Variants in F13A1 observed in about 807,000 individuals in gnomAD.
F13A1 encodes FSF, A subunit.
Under a neutral mutation model 80.1 loss-of-function variants are expected in F13A1, and 47 were observed. The ratio of observed to expected loss-of-function variants is 0.59; its 90% CI spans 0.46 to 0.75. The LOEUF is 0.75. Among genes scored for constraint, F13A1 ranks in the 30% least tolerant of loss-of-function variants. The pLI, the probability that F13A1 is intolerant of heterozygous loss-of-function variation, is 0.00. For missense variants in F13A1, 817 were observed against 930.4 expected (o/e 0.88, Z 1.59); for synonymous variants, 349 against 344.9 (o/e 1.01, Z -0.13).
chr6:6,274,328 T>TAGTGTA (rs1289275314), intron 3 of F13A1, among the ~76,000 whole-genome samples: 2 of 152,226 alleles, frequency 1.3e-5, no homozygotes, highest in African/African-American at 4.8e-5. Context: ...AAGCCTCTTT[T>TAGTGTA]GGAGTAAATG....
intron 6 of F13A1, among the ~76,000 whole-genome samples, chr6:6,231,757 A>AT (rs1389955169): frequency 6.6e-6 from 1 of 152,242 alleles, no homozygotes; most frequent in Non-Finnish European, 1.5e-5. Flanking sequence ...TCTAGAAGGG[A>AT]TTGGAACCCT....
chr6:6,298,038 T>C (rs1758358262), intron 3 of F13A1, among the ~76,000 whole-genome samples: 2 of 151,242 alleles, frequency 1.3e-5, no homozygotes, highest in African/African-American at 4.9e-5. Flanking sequence ...GTTGTTCAGT[T>C]TCCATGTAGT....
rs940774158 is a variant in F13A1, at chr6:6,300,831, T to TA, written c.319+4519dup. Among the ~76,000 whole-genome samples the TA allele has an allele frequency of 1.2e-4, 18 of 151,756 alleles. No homozygotes were observed. In the East Asian group the frequency reaches 2.9e-3, roughly 24 times the overall value. ...ATTTATTCTCGTCTGTTTTTTTTTT[T>TA]AATTTATGTTACATTTTGGTTCACT... On this transcript the variant is annotated intron_variant, in intron 3 of 14. Coordinates refer to ENST00000264870, the MANE Select transcript of F13A1 (RefSeq NM_000129.4).
chr6:6,178,313 A>G (rs904307094), intron 11 of F13A1, among the ~76,000 whole-genome samples: 5 of 152,168 alleles, frequency 3.3e-5, no homozygotes, highest in African/African-American at 9.7e-5. Context: ...CTATATTAAG[A>G]GTTGTACACA....
intron 10 of F13A1, among the ~76,000 whole-genome samples, chr6:6,190,872 C>T (rs7739352): frequency 2.0e-4 from 30 of 148,480 alleles, no homozygotes; most frequent in Admixed American, 4.0e-4. Flanking sequence ...TAGCAATCAG[C>T]GAGACTCCGT....
At position 6,177,026 on chromosome 6, in the gene F13A1, C is replaced by T. The variant is rs192859433; in HGVS notation, c.1460-2159G>A. 1.5e-4 allele frequency among the ~76,000 whole-genome samples: 23 copies of T among 152,290 alleles called. No individual in the cohort carries two copies. The South Asian group carries it at 3.9e-3, about 26-fold the overall frequency. ...GCCCAGAGAGGAGAAAACAACTGCA[C>T]GGCTTTCCCAGAGCCTGGCAGAGTA... On this transcript the variant is annotated intron_variant, in intron 11 of 14. Coordinates refer to ENST00000264870, the MANE Select transcript of F13A1 (RefSeq NM_000129.4).
At chr6:6,201,350 G>A (rs1167819370) in intron 8 of F13A1, among the ~76,000 whole-genome samples, 2 of 152,158 alleles carry the variant, frequency 1.3e-5, no homozygotes, top group Admixed American at 6.5e-5. Context: ...GTGTATTTAG[G>A]GTGGGAGTTT....
At chr6:6,318,782 G>C in intron 1 of F13A1, 100 bp from the exon 2 acceptor site, 3 of 1,266,390 alleles carry the variant, frequency 2.4e-6, no homozygotes, top group Non-Finnish European at 3.3e-6. Context: ...ATATCTGTGT[G>C]TGATAGCACT....
intron 8 of F13A1, among the ~76,000 whole-genome samples, chr6:6,216,732 G>C (rs1228622449): frequency 1.4e-5 from 2 of 142,822 alleles, no homozygotes; most frequent in African/African-American, 5.5e-5. Flanking sequence ...CCATCAGAGT[G>C]AACAGGCAAC....
intron 10 of F13A1, among the ~76,000 whole-genome samples, chr6:6,187,743 G>T (rs975311942): frequency 9.9e-6 from 1 of 101,508 alleles, no homozygotes; most frequent in Non-Finnish European, 2.1e-5. Context: ...CTCATAAAAT[G>T]AGTTAGGGAG....
Position 6,305,507 on chromosome 6 carries a change from T to C in F13A1, c.163A>G (p.Lys55Glu). ...ACCTTGTTAGTGTCCCATCTCTCCT[T>C]GAACAGGTGAACGCTCGTGACATTA... ...FLNVTSVHLF[K>E]ERWDTNKVDH... The change falls in exon 3 of 15, where the codon AAG becomes GAG. Residue 55 changes from lysine to glutamate, a missense_variant. Coordinates refer to ENST00000264870, the MANE Select transcript of F13A1 (RefSeq NM_000129.4). The C allele has an allele frequency of 6.2e-7, 1 of 1,614,208 alleles. No individual in the cohort carries two copies. The highest frequency in any genetic ancestry group is 2.2e-5 in the East Asian group (1 of 44,882).
At chr6:6,169,975 G>C (rs958402760) in intron 12 of F13A1, among the ~76,000 whole-genome samples, 1 of 152,132 alleles carries the variant, frequency 6.6e-6, no homozygotes, top group African/African-American at 2.4e-5. Context: ...GGAATGACCC[G>C]CTCTCGTATT....
intron 6 of F13A1, among the ~76,000 whole-genome samples, chr6:6,231,223 A>C (rs1757348079): frequency 1.3e-5 from 2 of 152,218 alleles, no homozygotes; most frequent in African/African-American, 4.8e-5. Flanking sequence ...AGATAGCTTA[A>C]AGAAAAAACA....
At chr6:6,282,281 C>T (rs776941134) in intron 3 of F13A1, among the ~76,000 whole-genome samples, 2 of 152,116 alleles carry the variant, frequency 1.3e-5, no homozygotes, top group Non-Finnish European at 2.9e-5. Flanking sequence ...GGGCCTGAAA[C>T]ATCTTACTGT....
chr6:6,231,808 T>C (rs775950632), intron 6 of F13A1, among the ~76,000 whole-genome samples: 7 of 152,212 alleles, frequency 4.6e-5, no homozygotes, highest in Non-Finnish European at 8.8e-5. Flanking sequence ...CAGCCAAGAA[T>C]TTTGTATCCA....
intron 3 of F13A1, among the ~76,000 whole-genome samples, chr6:6,295,596 G>GT (rs1758312309): frequency 7.1e-6 from 1 of 140,446 alleles, no homozygotes; most frequent in African/African-American, 2.9e-5. Flanking sequence ...GGGGTTGTTT[G>GT]TTTTTTTCTT....
chr6:6,184,794 G>A (rs2151078074), intron 10 of F13A1, among the ~76,000 whole-genome samples: 1 of 152,304 alleles, frequency 6.6e-6, no homozygotes, highest in East Asian at 1.9e-4. Flanking sequence ...GAAATCTCAG[G>A]ACAGACCAAC....
In F13A1 at chr6:6,318,436, AC is replaced by A. The variant is rs995414878; in HGVS notation, c.130+98del. The A allele has an allele frequency of 1.0e-4, 141 of 1,403,332 alleles. No homozygotes were observed. In the African/African-American group the frequency reaches 2.0e-3, roughly 20 times the overall value. The allele number at this position is 1,403,332 out of a possible 1,614,324, so 86.9% of individuals were successfully genotyped here. A position where few individuals can be genotyped will look rare whatever the true frequency, so the allele number is the denominator to read the frequency against. On this transcript the variant is annotated intron_variant, in intron 2 of 14. Coordinates refer to ENST00000264870, the MANE Select transcript of F13A1 (RefSeq NM_000129.4). ...TGGCAGGGGGCTTCCTTTTGTGGGA[AC>A]CCCAGTGGAGACAGAGGATGTTTAC... is the stretch of plus-strand genomic sequence containing the variant.
chr6:6,157,249 G>T (rs1409725730), intron 13 of F13A1, among the ~76,000 whole-genome samples: 1 of 152,118 alleles, frequency 6.6e-6, no homozygotes, highest in Non-Finnish European at 1.5e-5. Flanking sequence ...GGTCTTGGGG[G>T]TAGACATGAT....
Sources: gnomAD v4.1 joint callset for allele counts (sites outside exome capture counted in the v4.1 genomes callset) on GRCh38, gnomAD v4.1.1 for gene constraint, MANE v1.5 for transcripts, NCBI Gene and HGNC (gene_info 2026-07-23, HGNC 2026-07-21) for gene names.